ABCB5: variants seen among roughly 807,000 people sequenced by gnomAD.
ABCB5 encodes the protein ATP binding cassette subfamily B member 5, also known as ATP-binding cassette sub-family B member 5.
In ABCB5, 155 loss-of-function variants were observed where a neutral mutation model predicts 144.2. The observed-to-expected ratio is 1.08, with a 90% CI of 0.94 to 1.23. ABCB5 has a LOEUF of 1.23. ABCB5 is among the 50% of genes most tolerant of loss of function. The pLI is 0.00. For synonymous variants in ABCB5, 610 were observed against 528.6 expected (o/e 1.15, Z -2.11); for missense variants, 1,830 against 1,520.8 (o/e 1.20, Z -3.38).
At chr7:20,663,952 A>T (rs991013542) in intron 14 of ABCB5, among the ~76,000 whole-genome samples, 2 of 151,778 alleles carry the variant, frequency 1.3e-5, no homozygotes, top group African/African-American at 4.8e-5. Flanking sequence ...CTGACCTCAA[A>T]TGATCCACGC....
At chr7:20,624,327 A>T (rs1783862638) in intron 2 of ABCB5, among the ~76,000 whole-genome samples, 1 of 152,246 alleles carries the variant, frequency 6.6e-6, no homozygotes, top group African/African-American at 2.4e-5. Context: ...ATCACTAGCT[A>T]CATAAACTTG....
rs1782907051 is a variant in ABCB5 at position 20,750,968 on chromosome 7, AGTGGCAGCTCTCAGTC to A, written c.3430-2390_3430-2375del. Among the ~76,000 whole-genome samples the A allele has an allele frequency of 3.3e-5, 5 of 152,202 alleles. 1 individual carries two copies. In the South Asian group the frequency reaches 1.0e-3, roughly 32 times the overall value. ...TCTACTAATCTTCACAGTATCACCC[AGTGGCAGCTCTCAGTC>A]GAGCCACATCCTTAAGTAGGACTTT... On this transcript the variant is annotated intron_variant, in intron 26 of 27. Transcript: ENST00000404938.
At position 20,646,217 on chromosome 7, in the gene ABCB5, A is replaced by G. The variant is rs1784405388; in HGVS notation, c.981+79A>G. ...GTTTAGCCAAAATTCCTCTTTGAAGATAAATATTCAAAGATGGATGTTTTT... is the reference window on the plus strand; with the variant it reads ...GTTTAGCCAAAATTCCTCTTTGAAGGTAAATATTCAAAGATGGATGTTTTT... On this transcript the variant is annotated intron_variant, in intron 9 of 27. Transcript: ENST00000404938. 3.7e-6 allele frequency: 5 copies of G among 1,357,660 alleles called. No individual in the cohort carries two copies. In the South Asian group the frequency reaches 7.1e-5, roughly 19 times the overall value. 84.1% of individuals were successfully genotyped at this position (1,357,660 alleles called of 1,614,324 possible).
intron 14 of ABCB5, among the ~76,000 whole-genome samples, chr7:20,678,910 C>G (rs1785695677): frequency 6.6e-6 from 1 of 152,138 alleles, no homozygotes. Flanking sequence ...GCCGGGACAC[C>G]TGGTTAACTC....
At position 20,644,545 on chromosome 7, in the gene ABCB5, T is replaced by C. The variant is rs926827993; in HGVS notation, c.678+913T>C. Among the ~76,000 whole-genome samples the C allele has an allele frequency of 4.6e-5, 7 of 152,222 alleles. No homozygotes were observed. In the South Asian group the frequency reaches 1.2e-3, roughly 27 times the overall value. ...CTGTAAGTATAACACAAAATTGTAA[T>C]CTTATCTACAGCCTGGTTTTGAAAC... On this transcript the variant is annotated intron_variant, in intron 7 of 27. Coordinates refer to ENST00000404938, the MANE Select transcript of ABCB5 (RefSeq NM_001163941.2).
At chr7:20,754,869 A>C (rs1355641154) in intron 27 of ABCB5, among the ~76,000 whole-genome samples, 1 of 152,202 alleles carries the variant, frequency 6.6e-6, no homozygotes, top group Non-Finnish European at 1.5e-5. Flanking sequence ...AACCACTAAC[A>C]TATAAACAAC....
At chr7:20,643,099 A>C in intron 5 of ABCB5, 85 bp from the exon 6 acceptor site, 1 of 1,228,864 alleles carries the variant, frequency 8.1e-7, no homozygotes, top group Non-Finnish European at 1.1e-6. Context: ...AATTTCCTCA[A>C]TCAAATACTG....
intron 5 of ABCB5, among the ~76,000 whole-genome samples, chr7:20,635,426 C>A (rs1040692914): frequency 2.7e-5 from 4 of 147,738 alleles, no homozygotes; most frequent in East Asian, 2.0e-4. Context: ...TTAGGACTGT[C>A]TTTTCTAATT....
chr7:20,648,497 G>A (rs1310441377), intron 11 of ABCB5, among the ~76,000 whole-genome samples: 2 of 151,994 alleles, frequency 1.3e-5, no homozygotes, highest in African/African-American at 4.8e-5. Context: ...CAGCAATTGC[G>A]GCTAGTACTT....
chr7:20,715,661 G>C (rs1286599192), intron 20 of ABCB5, among the ~76,000 whole-genome samples: 1 of 151,406 alleles, frequency 6.6e-6, no homozygotes, highest in Non-Finnish European at 1.5e-5. Flanking sequence ...CCTCCCACTT[G>C]GGCCTCCCAA....
chr7:20,634,235 A>T (rs1583381395), intron 5 of ABCB5, among the ~76,000 whole-genome samples: 1 of 91,474 alleles, frequency 1.1e-5, no homozygotes, highest in Non-Finnish European at 2.2e-5. Flanking sequence ...CTAGTATTCC[A>T]TGTTGTGTGT....
chr7:20,640,786 G>C (rs1462703482), intron 5 of ABCB5, among the ~76,000 whole-genome samples: 1 of 152,106 alleles, frequency 6.6e-6, no homozygotes, highest in Non-Finnish European at 1.5e-5. Flanking sequence ...TGCAAATACA[G>C]GATTTTCAAA....
Position 20,755,562 on chromosome 7 carries a change from C to T in ABCB5, c.3712C>T (p.Gln1238Ter). 1 of 1,614,158 alleles carries T rather than the reference C, an allele frequency of 6.2e-7. No individual in the cohort carries two copies. Among genetic ancestry groups the T allele is most frequent in the Admixed American group, 1.7e-5 (1 of 60,030 alleles). Residue 1238 changes from glutamine (Q) to a stop codon, truncating the protein, a stop_gained, in exon 28 of 28, where the codon CAA (glutamine) becomes TAA (stop). Coordinates refer to ENST00000404938, the MANE Select transcript of ABCB5 (RefSeq NM_001163941.2). LOFTEE classifies it high-confidence loss of function. ...NGKIKEQGTH[Q>*]ELLRNRDIYF... ...AAAGATAAAGGAACAAGGAACTCAT[C>T]AAGAGCTCCTGAGAAATCGAGACAT...
At chr7:20,739,821 A>C (rs1219345050) in intron 24 of ABCB5, among the ~76,000 whole-genome samples, 1 of 152,232 alleles carries the variant, frequency 6.6e-6, no homozygotes, top group African/African-American at 2.4e-5. Context: ...AAAAAAGGAA[A>C]GTATACCTAT....
intron 5 of ABCB5, among the ~76,000 whole-genome samples, chr7:20,633,828 A>T (rs1784091972): frequency 6.6e-6 from 1 of 151,978 alleles, no homozygotes; most frequent in South Asian, 2.1e-4. Context: ...TTAATTCCTA[A>T]TATGCCCTGT....
chr7:20,628,183 G>T (rs943674935), intron 3 of ABCB5, among the ~76,000 whole-genome samples: 2 of 146,886 alleles, frequency 1.4e-5, no homozygotes, highest in African/African-American at 5.0e-5. Flanking sequence ...AACAGGCCCC[G>T]GTGTGTGATG....
At chr7:20,627,875 T>C (rs1783944390) in intron 3 of ABCB5, among the ~76,000 whole-genome samples, 2 of 152,202 alleles carry the variant, frequency 1.3e-5, no homozygotes, top group African/African-American at 4.8e-5. Flanking sequence ...AACTAAGATA[T>C]TGTTGTTGCA....
intron 14 of ABCB5, among the ~76,000 whole-genome samples, chr7:20,672,085 A>T (rs7782507): frequency 0.91 from 137,890 of 152,232 alleles, 62,635 homozygotes; most frequent in East Asian, 1. Flanking sequence ...TTTTATGTGC[A>T]TATTAACCAT....
intron 20 of ABCB5, among the ~76,000 whole-genome samples, chr7:20,721,457 T>C (rs1781864872): frequency 6.6e-6 from 1 of 152,218 alleles, no homozygotes; most frequent in Non-Finnish European, 1.5e-5. Context: ...CTTTATATAT[T>C]AGCTCCAACT....
Sources: allele counts gnomAD v4.1 joint callset (sites outside exome capture counted in the v4.1 genomes callset), GRCh38; gene constraint gnomAD v4.1.1; transcripts MANE v1.5; gene names NCBI Gene and HGNC (gene_info 2026-07-23, HGNC 2026-07-21).